Variants in ADAMTS6 observed in about 807,000 individuals in gnomAD.
ADAMTS6 encodes the protein A disintegrin and metalloproteinase with thrombospondin motifs 6.
Under a neutral mutation model 144.3 loss-of-function variants are expected in ADAMTS6, and 23 were observed. The ratio of observed to expected loss-of-function variants is 0.16; its 90% confidence interval spans 0.11 to 0.23. The LOEUF (loss-of-function observed/expected upper bound fraction) is 0.23, where lower values mean the gene tolerates loss of function less well. Among genes scored for constraint, ADAMTS6 ranks in the 10% least tolerant of loss-of-function variants. The pLI, the probability that ADAMTS6 is intolerant of heterozygous loss-of-function variation, is 1.00. For missense variants in ADAMTS6, 999 were observed against 1,379.6 expected, an observed-to-expected ratio of 0.72 and a Z score of 4.37; for synonymous variants, 444 against 457.5, an observed-to-expected ratio of 0.97 and a Z score of 0.38.
At chr5:65,337,107 A>C (rs949091782) in intron 7 of ADAMTS6, among the ~76,000 whole-genome samples, 2 of 152,108 alleles carry the variant, frequency 1.3e-5, no homozygotes, top group Non-Finnish European at 2.9e-5. Flanking sequence ...TTATACTATA[A>C]ATTGGGAATA....
Position 65,258,677 on chromosome 5 carries a change from T to C in ADAMTS6, c.1830+1923A>G, listed in dbSNP as rs114618440. On this transcript the variant is annotated intron_variant, in intron 14 of 24. Coordinates refer to ENST00000381055, the MANE Select transcript of ADAMTS6 (RefSeq NM_197941.4). ...CCATATACTTTGAAGGCAAAACTAA[T>C]GGGATTTCCTGAGGAATTGGATATA... Among the ~76,000 whole-genome samples, 848 of 152,234 alleles carry C rather than the reference T, an allele frequency of 5.6e-3. 10 individuals carry two copies. Among genetic ancestry groups the C allele is most frequent in the African/African-American group, 0.019 (794 of 41,530 alleles).
intron 15 of ADAMTS6, among the ~76,000 whole-genome samples, chr5:65,240,880 C>T (rs951334533): frequency 1.3e-5 from 2 of 152,120 alleles, no homozygotes; most frequent in Non-Finnish European, 2.9e-5. Context: ...TAAGTATGTG[C>T]ATTGGTCAAA....
At chr5:65,381,873 A>T (rs1752078321) in intron 7 of ADAMTS6, among the ~76,000 whole-genome samples, 1 of 152,236 alleles carries the variant, frequency 6.6e-6, no homozygotes. Flanking sequence ...GTAAAAGCTC[A>T]CTTGATAAAT....
chr5:65,214,807 A>G lies in ADAMTS6; in HGVS notation c.2562T>C (p.Ala854=). 6.2e-7 allele frequency: 1 copy of G among 1,614,178 alleles called. No individual in the cohort carries two copies. The highest frequency in any genetic ancestry group is 8.5e-7 in the Non-Finnish European group (1 of 1,180,018). ...TGGGCATCTTACCTCCAGCACAAGT[A>G]GCTGAGCATTCTGACCAAGGCTGAT... The part of the protein sequence containing the change: ...WNHQPWSECS[A]TCAGGVQRQE... The change falls in exon 20 of 25, where the codon GCT becomes GCC. Residue 854 remains alanine, a synonymous_variant. Coordinates refer to ENST00000381055, the MANE Select transcript of ADAMTS6 (RefSeq NM_197941.4). The surrounding 1 kb of genome is among the most constrained non-coding windows in gnomAD (Gnocchi z 4.6).
intron 7 of ADAMTS6, among the ~76,000 whole-genome samples, chr5:65,395,170 C>T (rs1376112612): frequency 6.6e-6 from 1 of 152,110 alleles, no homozygotes; most frequent in Non-Finnish European, 1.5e-5. Flanking sequence ...GTGCCACTCT[C>T]TAAGGAACCA....
chr5:65,336,450 C>T (rs557322678), intron 7 of ADAMTS6, among the ~76,000 whole-genome samples: 7 of 152,212 alleles, frequency 4.6e-5, no homozygotes, highest in South Asian at 2.1e-4. Context: ...CACTGCCCCA[C>T]TTTGCATGAA....
At chr5:65,414,295 C>T (rs1032594310) in intron 7 of ADAMTS6, among the ~76,000 whole-genome samples, 1 of 151,660 alleles carries the variant, frequency 6.6e-6, no homozygotes, top group Non-Finnish European at 1.5e-5. Context: ...TTTTTATTTA[C>T]TTTTGTTATT....
At chr5:65,463,115 A>T (rs1025734103) in intron 3 of ADAMTS6, among the ~76,000 whole-genome samples, 2 of 152,078 alleles carry the variant, frequency 1.3e-5, no homozygotes, top group East Asian at 1.9e-4. Context: ...ATACAAATAA[A>T]TGATGAAGCA....
chr5:65,244,470 T>G (rs1759462226), intron 14 of ADAMTS6, among the ~76,000 whole-genome samples: 1 of 152,184 alleles, frequency 6.6e-6, no homozygotes, highest in Non-Finnish European at 1.5e-5. Flanking sequence ...GGGATATTAC[T>G]ATTTAATGAA....
At chr5:65,407,162 C>A (rs1274749476) in intron 7 of ADAMTS6, among the ~76,000 whole-genome samples, 2 of 152,024 alleles carry the variant, frequency 1.3e-5, no homozygotes. Context: ...TTAAGAAGAG[C>A]AACTCCAAGA....
At position 65,243,929 on chromosome 5, in the gene ADAMTS6, T is replaced by C. The variant is rs542992141; in HGVS notation, c.1831-1723A>G. ...AGTTCATCCAAGCATGGCTTTCAAC[T>C]TTGTTGGAAAAACAAGACACAAATG... is the stretch of plus-strand genomic sequence containing the variant. On this transcript the variant is annotated intron_variant, in intron 14 of 24. Coordinates refer to ENST00000381055, the MANE Select transcript of ADAMTS6 (RefSeq NM_197941.4). Among the ~76,000 whole-genome samples, 22 of 152,218 alleles carry C rather than the reference T, an allele frequency of 1.4e-4. 1 individual carries two copies. Among genetic ancestry groups the C allele is most frequent in the African/African-American group, 5.1e-4 (21 of 41,556 alleles).
chr5:65,182,315 G>A (rs1263713690), intron 22 of ADAMTS6, among the ~76,000 whole-genome samples: 1 of 151,858 alleles, frequency 6.6e-6, no homozygotes, highest in Non-Finnish European at 1.5e-5. Flanking sequence ...GCCAGGTGTG[G>A]TGGCACGTGC....
chr5:65,402,462 T>C (rs1429726084), intron 7 of ADAMTS6, among the ~76,000 whole-genome samples: 1 of 152,120 alleles, frequency 6.6e-6, no homozygotes, highest in African/African-American at 2.4e-5. Flanking sequence ...TTCTCCTACT[T>C]TCATCAATGA....
intron 7 of ADAMTS6, among the ~76,000 whole-genome samples, chr5:65,383,272 C>T (rs770041709): frequency 6.3e-4 from 96 of 152,232 alleles, no homozygotes; most frequent in Middle Eastern, 6.8e-3. Flanking sequence ...AATATCAACT[C>T]AAAAGTCTAA....
At chr5:65,242,725 T>C (rs908073417) in intron 14 of ADAMTS6, among the ~76,000 whole-genome samples, 2 of 152,134 alleles carry the variant, frequency 1.3e-5, no homozygotes, top group African/African-American at 4.8e-5. Flanking sequence ...AGGAATAAAG[T>C]AGGCAAAATG....
chr5:65,227,535 T>C (rs1437805676), intron 15 of ADAMTS6, among the ~76,000 whole-genome samples: 2 of 152,208 alleles, frequency 1.3e-5, no homozygotes, highest in Admixed American at 1.3e-4. Context: ...TAAAGAAGAC[T>C]ACTTCTAATA....
intron 7 of ADAMTS6, among the ~76,000 whole-genome samples, chr5:65,392,321 T>C (rs1329947048): frequency 6.6e-6 from 1 of 152,152 alleles, no homozygotes; most frequent in East Asian, 1.9e-4. Context: ...CTGCTCCTCA[T>C]CAAAATCCTC....
chr5:65,431,648 A>G lies in ADAMTS6; in HGVS notation c.1073+19827T>C, dbSNP rs551762703. On this transcript the variant is annotated intron_variant, in intron 7 of 24. Coordinates refer to ENST00000381055, the MANE Select transcript of ADAMTS6 (RefSeq NM_197941.4). ...TTAATTTCCCCATGCCAATTTCCTGATATTAGTTTTCTAACTGAAACCACT... is the reference window on the plus strand; with the variant it reads ...TTAATTTCCCCATGCCAATTTCCTGGTATTAGTTTTCTAACTGAAACCACT... Among the ~76,000 whole-genome samples, 341 of 152,230 alleles carry G rather than the reference A, an allele frequency of 2.2e-3. 4 individuals are homozygous for G. Among genetic ancestry groups the G allele is most frequent in the African/African-American group, 7.7e-3 (320 of 41,570 alleles).
intron 11 of ADAMTS6, among the ~76,000 whole-genome samples, chr5:65,288,112 A>T (rs1741875608): frequency 6.6e-6 from 1 of 152,076 alleles, no homozygotes; most frequent in Non-Finnish European, 1.5e-5. Context: ...TTTTCATGTA[A>T]ATTTCCAAAC....
Sources: gnomAD v4.1 joint callset for allele counts (sites outside exome capture counted in the v4.1 genomes callset) on GRCh38, gnomAD v4.1.1 for gene constraint, Gnocchi (gnomAD v3.1) non-coding constraint, MANE v1.5 for transcripts, NCBI Gene and HGNC (gene_info 2026-07-23, HGNC 2026-07-21) for gene names.